Variants in S100G observed in about 807,000 individuals in gnomAD.
The protein encoded by S100G is S100 calcium binding protein G, also known as protein S100-G.
Under a neutral mutation model 4.4 loss-of-function variants are expected in S100G, and 4 were observed. That is an observed-to-expected ratio of 0.91 (90% CI 0.45 to 2.09). The LOEUF is 2.09. Among genes scored for constraint, S100G ranks in the 30% most tolerant of loss-of-function variants. S100G has a pLI of 0.03. For missense variants in S100G, 48 were observed against 49.8 expected (o/e 0.96, Z 0.11); for synonymous variants, 24 against 20.1 (o/e 1.20, Z -0.53).
chrX:16,651,248 G>A (rs758527225), intron 2 of S100G, 107 bp downstream of exon 2: 13 of 747,902 alleles, frequency 1.7e-5, no homozygotes, highest in African/African-American at 1.7e-4. Flanking sequence ...GCTTGAGGGA[G>A]GACACATGCA....
intron 2 of S100G, among the ~76,000 whole-genome samples, chrX:16,652,511 A>C (rs1031103899): frequency 8.9e-6 from 1 of 112,417 alleles, no homozygotes; most frequent in Non-Finnish European, 1.9e-5. Context: ...CTAGCAGAAA[A>C]AGGGACTTTT....
intron 1 of S100G, among the ~76,000 whole-genome samples, chrX:16,650,779 G>A (rs762444845): frequency 4.5e-5 from 5 of 110,333 alleles, no homozygotes; most frequent in African/African-American, 1.6e-4. Context: ...CCAAAGTGCT[G>A]GGATTACAGG....
intron 2 of S100G, 98 bp from the exon 3 acceptor site, chrX:16,654,307 C>T: frequency 1.9e-6 from 1 of 521,989 alleles, no homozygotes; most frequent in Admixed American, 3.6e-5. Context: ...GCCTTCTTGG[C>T]ACACAGACCC....
At chrX:16,654,143 AAAC>A (rs1475649237) in intron 2 of S100G, among the ~76,000 whole-genome samples, 1 of 112,607 alleles carries the variant, frequency 8.9e-6, no homozygotes, top group African/African-American at 3.2e-5. Flanking sequence ...TCGCATAAGA[AAAC>A]AACTGTATTA....
At chrX:16,650,786 C>G (rs1334118979) in intron 1 of S100G, among the ~76,000 whole-genome samples, 1 of 110,575 alleles carries the variant, frequency 9.0e-6, no homozygotes, top group African/African-American at 3.3e-5. Context: ...GCTGGGATTA[C>G]AGGCATGAGC....
chrX:16,651,657 A>G (rs915742307), intron 2 of S100G, among the ~76,000 whole-genome samples: 4 of 112,189 alleles, frequency 3.6e-5, no homozygotes, highest in African/African-American at 1.3e-4. Context: ...TGTGTTCATC[A>G]CTTAAATTTG....
intron 2 of S100G, 51 bp downstream of exon 2, chrX:16,651,192 AG>A: frequency 3.4e-6 from 1 of 290,897 alleles, no homozygotes; most frequent in Non-Finnish European, 6.9e-6. Flanking sequence ...GTGGGAGGGG[AG>A]GGAGGGAGGG....
chrX:16,650,487 C>T (rs1932551185), intron 1 of S100G, among the ~76,000 whole-genome samples: 1 of 101,961 alleles, frequency 9.8e-6, no homozygotes, highest in African/African-American at 3.6e-5. Context: ...TAAGAACAGA[C>T]ATTTAACATA....
chrX:16,654,381 C>G (rs1176839186), intron 2 of S100G, 24 bp from the exon 3 acceptor site: 1 of 1,036,977 alleles, frequency 9.6e-7, no homozygotes, highest in African/African-American at 1.9e-5. Context: ...CCTCCCTTCT[C>G]CCATCCTTTT....
At chrX:16,652,601 A>G (rs763278205) in intron 2 of S100G, among the ~76,000 whole-genome samples, 1 of 112,536 alleles carries the variant, frequency 8.9e-6, no homozygotes, top group African/African-American at 3.2e-5. Context: ...GAAGAAAAAT[A>G]ATCATCTAAC....
At chrX:16,650,976 T>G in intron 1 of S100G, 23 bp from the exon 2 acceptor site, 2 of 1,189,964 alleles carry the variant, frequency 1.7e-6, no homozygotes, top group Non-Finnish European at 2.3e-6. Flanking sequence ...TTTGGTAAGT[T>G]TATTTTCTTC....
chrX:16,651,995 G>T (rs1328077941), intron 2 of S100G, among the ~76,000 whole-genome samples: 2 of 108,365 alleles, frequency 1.8e-5, no homozygotes, highest in African/African-American at 6.7e-5. Context: ...GGATAAGTGG[G>T]GGTTTATGAC....
rs746554928 is a variant in S100G at position 16,654,562 on chromosome X, G to C, written c.*53G>C. The C allele has an allele frequency of 8.1e-5, 57 of 700,280 alleles. No homozygotes were observed. The East Asian group carries it at 1.9e-3, about 23-fold the overall frequency. The allele number at this position is 700,280 out of a possible 1,213,427, so 57.7% of individuals were successfully genotyped here. A position where few individuals can be genotyped will look rare whatever the true frequency, so the allele number is the denominator to read the frequency against. ...ACTGGAGGAAGAGCGCCTGTGCTGT[G>C]GTCTTATCCTATGTGGAATCCCCCA... On this transcript the variant is annotated 3_prime_UTR_variant, in exon 3 of 3. Transcript: ENST00000380200.
intron 2 of S100G, among the ~76,000 whole-genome samples, chrX:16,653,963 G>T (rs1182175749): frequency 9.0e-6 from 1 of 111,090 alleles, no homozygotes; most frequent in East Asian, 2.8e-4. Context: ...CCTGCCTGCT[G>T]CCTCATGTAA....
intron 2 of S100G, among the ~76,000 whole-genome samples, chrX:16,651,536 G>T (rs1440427676): frequency 8.9e-6 from 1 of 112,221 alleles, no homozygotes; most frequent in Admixed American, 9.5e-5. Flanking sequence ...GGCTTCATTT[G>T]TGTATGTAAA....
chrX:16,650,778 TG>T (rs1310031721), intron 1 of S100G, among the ~76,000 whole-genome samples: 1 of 110,654 alleles, frequency 9.0e-6, no homozygotes, highest in Non-Finnish European at 1.9e-5. Flanking sequence ...CCCAAAGTGC[TG>T]GGATTACAGG....
chrX:16,651,522 G>T (rs1453594096), intron 2 of S100G, among the ~76,000 whole-genome samples: 2 of 112,070 alleles, frequency 1.8e-5, no homozygotes, highest in African/African-American at 3.2e-5. Context: ...GCTGGCCTTG[G>T]ACAGGCTTCA....
chrX:16,654,428 C>T lies in S100G; in HGVS notation c.159C>T (p.Leu53=). 1 of 1,200,157 alleles carries T rather than the reference C, an allele frequency of 8.3e-7. No homozygotes were observed. Among genetic ancestry groups the T allele is most frequent in the African/African-American group, 1.7e-5 (1 of 57,455 alleles). ...AGGGTCCAAACACCCTAGATGATCT[C>T]TTTCAAGAACTGGACAAGAATGGAG... The part of the protein sequence containing the change: ...LLKGPNTLDD[L]FQELDKNGDG... Residue 53 remains leucine (L), a synonymous_variant, in exon 3 of 3, where the codon CTC becomes CTT. Transcript: ENST00000380200.
At chrX:16,650,879 T>C (rs1932587304) in intron 1 of S100G, 120 bp from the exon 2 acceptor site, 1 of 574,677 alleles carries the variant, frequency 1.7e-6, no homozygotes, top group Admixed American at 3.2e-5. Flanking sequence ...TCTCTTTTCC[T>C]TATTCTTCCC....
Sources: gnomAD v4.1 joint callset for allele counts (sites outside exome capture counted in the v4.1 genomes callset) on GRCh38, gnomAD v4.1.1 for gene constraint, MANE v1.5 for transcripts, NCBI Gene and HGNC (gene_info 2026-07-23, HGNC 2026-07-21) for gene names.